Variants in ZNF506 observed in about 807,000 individuals in gnomAD.
The protein encoded by ZNF506 is zinc finger protein 506.
A neutral mutation model predicts 11.6 loss-of-function variants in ZNF506; 10 were observed. The observed-to-expected ratio is 0.86, with a 90% CI of 0.53 to 1.46. The LOEUF (loss-of-function observed/expected upper bound fraction) is 1.46. ZNF506 is among the 40% of genes most tolerant of loss of function. The probability of loss-of-function intolerance (pLI) is 0.00; values close to 1 mark genes in which losing one functional copy is unlikely to be tolerated. For missense variants in ZNF506, 425 were observed against 521.2 expected, an observed-to-expected ratio of 0.82 and a Z score of 1.80; for synonymous variants, 156 against 173.3, an observed-to-expected ratio of 0.90 and a Z score of 0.78.
Position 19,795,202 on chromosome 19 carries a change from A to C in ZNF506, c.685T>G (p.Tyr229Asp). ...HKKIHTGEKPYKCEECGKAYK... is the reference protein window; with the variant it reads ...HKKIHTGEKPDKCEECGKAYK... ...GCTTTGCCACATTCTTCACATTTGT[A>C]GGGTTTCTCTCCAGTATGAATTTTC... The change falls in exon 4 of 4, where the codon TAC becomes GAC. Residue 229 changes from tyrosine (Y) to aspartate (D), a missense_variant. Physicochemically the swap from Tyr to Asp is radical, Grantham distance 160. Transcript: ENST00000540806. The C allele has an allele frequency of 6.2e-7, 1 of 1,613,866 alleles. No homozygotes were observed. Among genetic ancestry groups the C allele is most frequent in the Non-Finnish European group, 8.5e-7 (1 of 1,179,958 alleles).
In ZNF506 at chr19:19,821,682, G is replaced by A. The variant is rs566880621; in HGVS notation, c.-79C>T. On this transcript the variant is annotated 5_prime_UTR_variant, in exon 1 of 4. Transcript: ENST00000540806. ...CAGGTCACAGGGCCACAGAGGCTGG[G>A]CCTCTAGGAGCTGACGGCACAGAGC... 2.6e-6 allele frequency: 4 copies of A among 1,558,774 alleles called. No homozygotes were observed. Among genetic ancestry groups the A allele is most frequent in the African/African-American group, 1.4e-5 (1 of 73,960 alleles).
chr19:19,820,835 T>C (rs1037728069), intron 1 of ZNF506, among the ~76,000 whole-genome samples: 2 of 152,150 alleles, frequency 1.3e-5, no homozygotes, highest in Non-Finnish European at 1.5e-5. Context: ...TGTAGCTGGG[T>C]GCTCTACAAT....
intron 3 of ZNF506, chr19:19,796,382 TTTTTA>T (rs1213184197): frequency 6.6e-6 from 1 of 151,854 alleles, no homozygotes; most frequent in Non-Finnish European, 1.5e-5. Flanking sequence ...TCTAGGGGCT[TTTTTA>T]TTTTTATTTT....
intron 3 of ZNF506, among the ~76,000 whole-genome samples, chr19:19,800,547 G>A (rs2062783680): frequency 6.6e-6 from 1 of 151,348 alleles, no homozygotes; most frequent in Non-Finnish European, 1.5e-5. Context: ...CTCCTGAGTA[G>A]CTGGGACTAC....
chr19:19,805,994 T>A (rs1291921084), intron 3 of ZNF506, 37 bp downstream of exon 3: 16 of 1,526,736 alleles, frequency 1.0e-5, no homozygotes, highest in Non-Finnish European at 1.4e-5. Context: ...GACCTCTATC[T>A]GTGTTGTCTG....
intron 1 of ZNF506, among the ~76,000 whole-genome samples, chr19:19,815,410 A>G (rs1033956936): frequency 1.3e-5 from 2 of 152,068 alleles, no homozygotes; most frequent in African/African-American, 4.8e-5. Flanking sequence ...CTGTGGGAAA[A>G]GGGGGTCTGT....
At chr19:19,820,078 AGAGT>A (rs1454561915) in intron 1 of ZNF506, among the ~76,000 whole-genome samples, 3 of 151,660 alleles carry the variant, frequency 2.0e-5, no homozygotes, top group Non-Finnish European at 2.9e-5. Flanking sequence ...GCATGGCGAC[AGAGT>A]GAGACTCCAT....
chr19:19,817,012 G>T (rs888421606), intron 1 of ZNF506, among the ~76,000 whole-genome samples: 26 of 151,696 alleles, frequency 1.7e-4, no homozygotes, highest in African/African-American at 5.8e-4. Flanking sequence ...TATTGGTCAG[G>T]CTGGTCTGAA....
intron 1 of ZNF506, among the ~76,000 whole-genome samples, chr19:19,821,253 C>G (rs927892945): frequency 2.0e-5 from 3 of 152,180 alleles, no homozygotes; most frequent in African/African-American, 7.2e-5. Context: ...AACCAAAGCT[C>G]TTCCCATTCA....
At chr19:19,808,799 C>T (rs1028882800) in intron 1 of ZNF506, among the ~76,000 whole-genome samples, 9 of 139,400 alleles carry the variant, frequency 6.5e-5, no homozygotes, top group South Asian at 2.2e-4. Flanking sequence ...GCCAAGATCG[C>T]GCTACTATAC....
chr19:19,800,187 C>T lies in ZNF506; in HGVS notation c.227-4527G>A, dbSNP rs192338615. ...ATTGATGACATTATGCAAAATAAAA[C>T]GAGCCAGCCACAAAAAGACAGAGAC... On this transcript the variant is annotated intron_variant, in intron 3 of 3. Transcript: ENST00000540806. 1.3e-3 allele frequency among the ~76,000 whole-genome samples: 200 copies of T among 151,626 alleles called. 3 individuals carry two copies. The highest frequency in any genetic ancestry group is 4.5e-3 in the African/African-American group (185 of 41,376).
chr19:19,809,810 T>C (rs2062870385), intron 1 of ZNF506, among the ~76,000 whole-genome samples: 1 of 152,126 alleles, frequency 6.6e-6, no homozygotes, highest in South Asian at 2.1e-4. Context: ...CCTGTGACCA[T>C]CCTTTAGTGC....
chr19:19,816,997 C>T (rs994439437), intron 1 of ZNF506, among the ~76,000 whole-genome samples: 6 of 151,764 alleles, frequency 4.0e-5, no homozygotes, highest in Non-Finnish European at 8.8e-5. Context: ...GACAGGGTTT[C>T]TTCATATTGG....
At chr19:19,808,439 C>T (rs1014293546) in intron 1 of ZNF506, among the ~76,000 whole-genome samples, 1 of 151,302 alleles carries the variant, frequency 6.6e-6, no homozygotes, top group Non-Finnish European at 1.5e-5. Context: ...TAACCATTAA[C>T]TGCACTAGGA....
intron 1 of ZNF506, among the ~76,000 whole-genome samples, chr19:19,814,429 A>AATG (rs2062911964): frequency 6.6e-6 from 1 of 150,734 alleles, no homozygotes. Context: ...TAATAATAAT[A>AATG]ATAATAATGC....
chr19:19,820,239 C>T (rs1272139010), intron 1 of ZNF506: 2 of 152,088 alleles, frequency 1.3e-5, no homozygotes, highest in African/African-American at 2.4e-5. Flanking sequence ...AGCTCTAGTC[C>T]CCAGATTCCC....
chr19:19,811,791 A>G (rs1459147400), intron 1 of ZNF506, among the ~76,000 whole-genome samples: 2 of 152,182 alleles, frequency 1.3e-5, no homozygotes, highest in Non-Finnish European at 2.9e-5. Flanking sequence ...ATATAAAAAA[A>G]AGGAAATTAT....
chr19:19,801,834 G>T (rs2062796201), intron 3 of ZNF506, among the ~76,000 whole-genome samples: 1 of 151,274 alleles, frequency 6.6e-6, no homozygotes, highest in Non-Finnish European at 1.5e-5. Flanking sequence ...CACTAATGTG[G>T]AACTTCAAAA....
rs397776866 is a variant in ZNF506, at chr19:19,792,766, A to AG, written c.*1785dup. The stretch of plus-strand genomic sequence containing the variant: ...ATTCATTATAATTTTTGAAAAAAAA[A>AG]GTTTTAAAATGGTCTGCCAACATGT... On this transcript the variant is annotated 3_prime_UTR_variant, in exon 4 of 4. Transcript: ENST00000540806. 6.6e-6 allele frequency among the ~76,000 whole-genome samples: 1 copy of AG among 151,186 alleles called. No homozygotes were observed. Among genetic ancestry groups the AG allele is most frequent in the Non-Finnish European group, 1.5e-5 (1 of 67,768 alleles).
Sources: gnomAD v4.1 joint callset for allele counts (sites outside exome capture counted in the v4.1 genomes callset) on GRCh38, gnomAD v4.1.1 for gene constraint, MANE v1.5 for transcripts, NCBI Gene and HGNC (gene_info 2026-07-23, HGNC 2026-07-21) for gene names.